The following ROR2 variants were observed in gnomAD, a reference collection of about 807,000 sequenced individuals.
ROR2 encodes the protein ROR family WNT receptor 2.
In ROR2, 33 loss-of-function variants were observed where a neutral mutation model predicts 74.9. The observed-to-expected ratio is 0.44, with a 90% CI of 0.33 to 0.59. ROR2 has a LOEUF of 0.59. ROR2 is among the 20% of genes least tolerant of loss of function. The pLI is 0.02. For missense variants in ROR2, 1,216 were observed against 1,313.8 expected (o/e 0.93, Z 1.15); for synonymous variants, 586 against 558.7 (o/e 1.05, Z -0.69).
intron 1 of ROR2, among the ~76,000 whole-genome samples, chr9:91,879,031 G>A (rs1019294182): frequency 1.3e-4 from 19 of 150,826 alleles, no homozygotes; most frequent in African/African-American, 4.6e-4. Flanking sequence ...GACAGAGCGA[G>A]ACTCCATCTC....
At chr9:91,812,568 C>T (rs940921892) in intron 1 of ROR2, among the ~76,000 whole-genome samples, 1 of 147,842 alleles carries the variant, frequency 6.8e-6, no homozygotes, top group African/African-American at 2.5e-5. Flanking sequence ...GCCCCACCCC[C>T]CCCACACACA....
intron 1 of ROR2, among the ~76,000 whole-genome samples, chr9:91,791,193 T>A (rs900374611): frequency 6.6e-6 from 1 of 152,216 alleles, no homozygotes; most frequent in Non-Finnish European, 1.5e-5. Flanking sequence ...CCTATGCAGA[T>A]GGTGCATTGA....
intron 2 of ROR2, among the ~76,000 whole-genome samples, chr9:91,758,399 A>G (rs960118865): frequency 5.3e-5 from 8 of 152,200 alleles, no homozygotes; most frequent in Admixed American, 2.6e-4. Context: ...CTTGCCTACC[A>G]TATCATTAAG....
chr9:91,745,426 A>ATTT lies in ROR2; in HGVS notation c.495-7911_495-7909dup, dbSNP rs72432798. ...AGGCATGAGCCACCATGCCCAGCCT[A>ATTT]TTTTTTTTTTTTTTTTTTTTTGAGA... On this transcript the variant is annotated intron_variant, in intron 4 of 8. Transcript: ENST00000375708. 2.1e-3 allele frequency among the ~76,000 whole-genome samples: 208 copies of ATTT among 99,652 alleles called. 8 individuals carry two copies. The highest frequency in any genetic ancestry group is 4.0e-3 in the African/African-American group (95 of 23,542). The allele number at this position is 99,652 out of a possible 152,430, so 65.4% of individuals were successfully genotyped here.
chr9:91,829,967 T>C (rs1336202786), intron 1 of ROR2, among the ~76,000 whole-genome samples: 1 of 152,234 alleles, frequency 6.6e-6, no homozygotes, highest in Non-Finnish European at 1.5e-5. Context: ...AATCACATAT[T>C]TCATCTGTTT....
chr9:91,918,425 C>T (rs1378263548), intron 1 of ROR2, among the ~76,000 whole-genome samples: 1 of 152,130 alleles, frequency 6.6e-6, no homozygotes, highest in Non-Finnish European at 1.5e-5. Context: ...AAATACTTTC[C>T]GACAGTTTAA....
At chr9:91,756,250 C>T (rs574541959) in intron 3 of ROR2, 149 bp from the exon 4 acceptor site, 19 of 746,152 alleles carry the variant, frequency 2.5e-5, no homozygotes, top group African/African-American at 8.7e-5. Flanking sequence ...CTCGTGATTA[C>T]GTCAGCAAGG....
intron 1 of ROR2, among the ~76,000 whole-genome samples, chr9:91,838,683 G>A (rs1297375141): frequency 2.0e-5 from 3 of 151,382 alleles, no homozygotes; most frequent in African/African-American, 2.4e-5. Context: ...CGAGCACCAC[G>A]GCCGGCGCAG....
Position 91,725,169 on chromosome 9 carries a change from A to G in ROR2, c.1387-62T>C, listed in dbSNP as rs1297724158. On this transcript the variant is annotated intron_variant, in intron 8 of 8. Transcript: ENST00000375708. ...TCACCGCAGCCCTGGAGGAAGCTGC[A>G]GAGCAGCCGGGAGGAGTGGAGTCCC... The G allele has an allele frequency of 4.4e-6, 7 of 1,605,704 alleles. No homozygotes were observed. In the South Asian group the frequency reaches 6.6e-5, roughly 15 times the overall value.
intron 1 of ROR2, among the ~76,000 whole-genome samples, chr9:91,836,543 A>G (rs1188527404): frequency 3.3e-5 from 5 of 151,782 alleles, no homozygotes. Context: ...CCATCTCAAA[A>G]AAAAAAAAAA....
chr9:91,842,481 G>A (rs1238994454), intron 1 of ROR2, among the ~76,000 whole-genome samples: 4 of 152,232 alleles, frequency 2.6e-5, no homozygotes, highest in Non-Finnish European at 5.9e-5. Flanking sequence ...GCCCTTGGGG[G>A]CCGTGTCCTC....
At position 91,848,649 on chromosome 9, in the gene ROR2, G is replaced by T. The variant is rs1781664493; in HGVS notation, c.98-72831C>A. Among the ~76,000 whole-genome samples the T allele has an allele frequency of 2.0e-5, 3 of 151,988 alleles. No individual in the cohort carries two copies. In the South Asian group the frequency reaches 6.2e-4, roughly 32 times the overall value. ...CATGCCCATAATCCCAGATACTCGG[G>T]AGACTGAGGCAGGGAGAATCGCTTG... On this transcript the variant is annotated intron_variant, in intron 1 of 8. Coordinates refer to ENST00000375708, the MANE Select transcript of ROR2 (RefSeq NM_004560.4).
intron 4 of ROR2, among the ~76,000 whole-genome samples, chr9:91,740,501 G>A (rs187340107): frequency 4.0e-5 from 6 of 150,424 alleles, no homozygotes; most frequent in African/African-American, 7.4e-5. Flanking sequence ...GCAGTGAGCC[G>A]AGAATACGCC....
intron 1 of ROR2, among the ~76,000 whole-genome samples, chr9:91,835,473 C>T (rs1321122457): frequency 6.6e-6 from 1 of 152,112 alleles, no homozygotes; most frequent in Non-Finnish European, 1.5e-5. Flanking sequence ...CCTGTCAGAG[C>T]CACTGGGGGC....
intron 1 of ROR2, among the ~76,000 whole-genome samples, chr9:91,781,434 A>G (rs1349582744): frequency 6.6e-6 from 1 of 152,220 alleles, no homozygotes; most frequent in Admixed American, 6.5e-5. Flanking sequence ...CTAGAAAGGC[A>G]ACAGTTAAGG....
chr9:91,924,227 C>T (rs185843335), intron 1 of ROR2, among the ~76,000 whole-genome samples: 1 of 152,360 alleles, frequency 6.6e-6, no homozygotes, highest in Admixed American at 6.5e-5. Context: ...CTTTTCCTAT[C>T]CTTTGTCCCC....
intron 1 of ROR2, among the ~76,000 whole-genome samples, chr9:91,922,708 C>A (rs986475318): frequency 3.9e-5 from 6 of 152,294 alleles, no homozygotes; most frequent in Admixed American, 3.3e-4. Flanking sequence ...CTGCCTTGGC[C>A]TCTTGAAGTG....
intron 1 of ROR2, among the ~76,000 whole-genome samples, chr9:91,777,373 A>G (rs1826453774): frequency 6.8e-6 from 1 of 147,606 alleles, no homozygotes; most frequent in Non-Finnish European, 1.5e-5. Flanking sequence ...ACATGGAAAT[A>G]ATAACAACAA....
chr9:91,757,766 TAC>T (rs1022970415), intron 2 of ROR2, among the ~76,000 whole-genome samples: 23 of 152,226 alleles, frequency 1.5e-4, no homozygotes, highest in African/African-American at 5.5e-4. Context: ...CTATGGGAAA[TAC>T]AGAGTCAAAT....
Sources: allele counts gnomAD v4.1 joint callset (sites outside exome capture counted in the v4.1 genomes callset), GRCh38; gene constraint gnomAD v4.1.1; transcripts MANE v1.5; gene names NCBI Gene and HGNC (gene_info 2026-07-23, HGNC 2026-07-21).